Variants in LHFPL3 observed in about 807,000 individuals in gnomAD.
LHFPL3 encodes LHFPL tetraspan subfamily member 3, also known as LHFPL tetraspan subfamily member 3 protein.
In LHFPL3, 5 loss-of-function variants were observed where a neutral mutation model predicts 19.3. That is an observed-to-expected ratio of 0.26 (90% CI 0.14 to 0.54). The LOEUF (loss-of-function observed/expected upper bound fraction) is 0.54. LHFPL3 is among the 20% of genes least tolerant of loss of function. The pLI, the probability that LHFPL3 is intolerant of heterozygous loss-of-function variation, is 0.94. For synonymous variants in LHFPL3, 133 were observed against 126.2 expected (o/e 1.05, Z -0.36); for missense variants, 249 against 307.4 (o/e 0.81, Z 1.42).
In LHFPL3 at chr7:104,585,431, T is replaced by A. The variant is rs1418276363; in HGVS notation, c.446-151244T>A. Among the ~76,000 whole-genome samples, 9 of 149,726 alleles carry A rather than the reference T, an allele frequency of 6.0e-5. No homozygotes were observed. The East Asian group carries it at 1.8e-3, about 29-fold the overall frequency. ...TATCCACAGCCACTTTCTTTGACTA[T>A]AATGCAGCTAATGATGAAAGTGGAA... On this transcript the variant is annotated intron_variant, in intron 1 of 2. Coordinates refer to ENST00000424859, the MANE Select transcript of LHFPL3 (RefSeq NM_199000.3).
At chr7:104,560,108 C>G (rs1008123907) in intron 1 of LHFPL3, among the ~76,000 whole-genome samples, 3 of 144,606 alleles carry the variant, frequency 2.1e-5, no homozygotes, top group African/African-American at 5.5e-5. Flanking sequence ...ATTTTTGCAT[C>G]AATGTTCATC....
intron 1 of LHFPL3, among the ~76,000 whole-genome samples, chr7:104,595,208 G>A (rs891205707): frequency 2.1e-4 from 32 of 152,292 alleles, no homozygotes; most frequent in Non-Finnish European, 4.0e-4. Context: ...TGTTGGTGAC[G>A]TACAGATGGG....
intron 2 of LHFPL3, among the ~76,000 whole-genome samples, chr7:104,827,307 T>C (rs1790843654): frequency 6.6e-6 from 1 of 152,030 alleles, no homozygotes; most frequent in African/African-American, 2.4e-5. Context: ...TCTAGCACTT[T>C]AAAGTGAGAT....
intron 1 of LHFPL3, among the ~76,000 whole-genome samples, chr7:104,430,370 GTATATATATATACATATATATA>G (rs1479681325): frequency 2.6e-4 from 16 of 61,430 alleles, no homozygotes; most frequent in African/African-American, 4.9e-4. Flanking sequence ...ATTTCTGTGG[GTATATATATATACATATATATA>G]TATATATATA....
At chr7:104,498,012 A>C (rs1341835040) in intron 1 of LHFPL3, among the ~76,000 whole-genome samples, 3 of 152,094 alleles carry the variant, frequency 2.0e-5, no homozygotes, top group Non-Finnish European at 4.4e-5. Flanking sequence ...TGGGAACCCT[A>C]GGTGTGGGGT....
chr7:104,577,916 A>G (rs1210082758), intron 1 of LHFPL3, among the ~76,000 whole-genome samples: 2 of 152,184 alleles, frequency 1.3e-5, no homozygotes, highest in African/African-American at 2.4e-5. Context: ...CCCCTCAACT[A>G]TGGGAAAGTG....
chr7:104,412,516 G>T (rs1791552097), intron 1 of LHFPL3, among the ~76,000 whole-genome samples: 1 of 152,002 alleles, frequency 6.6e-6, no homozygotes. Context: ...ACATTATAGA[G>T]ATCTGATCTA....
chr7:104,545,415 T>G (rs1280667611), intron 1 of LHFPL3, among the ~76,000 whole-genome samples: 1 of 152,188 alleles, frequency 6.6e-6, no homozygotes, highest in Non-Finnish European at 1.5e-5. Context: ...AGTGCTGGCC[T>G]TCAGGAAATA....
chr7:104,471,435 A>G (rs551801950), intron 1 of LHFPL3, among the ~76,000 whole-genome samples: 207 of 152,320 alleles, frequency 1.4e-3, no homozygotes, highest in Admixed American at 5.2e-3. Context: ...TCTCATATAC[A>G]TTATTTTAAG....
At chr7:104,830,028 T>C (rs1790920040) in intron 2 of LHFPL3, among the ~76,000 whole-genome samples, 1 of 151,980 alleles carries the variant, frequency 6.6e-6, no homozygotes, top group Admixed American at 6.5e-5. Context: ...CCATTCTAAC[T>C]GGTGTGAGAT....
intron 2 of LHFPL3, among the ~76,000 whole-genome samples, chr7:104,883,853 G>A (rs185398321): frequency 3.3e-5 from 5 of 152,224 alleles, no homozygotes; most frequent in Admixed American, 3.3e-4. Flanking sequence ...GCCACCAGGG[G>A]GCACCAAAGC....
intron 1 of LHFPL3, among the ~76,000 whole-genome samples, chr7:104,471,449 C>T (rs1792904421): frequency 6.6e-6 from 1 of 152,148 alleles, no homozygotes; most frequent in Admixed American, 6.5e-5. Flanking sequence ...TTTTAAGCCT[C>T]ATCTGCAATA....
At chr7:104,414,404 C>T (rs771204152) in intron 1 of LHFPL3, among the ~76,000 whole-genome samples, 10 of 152,168 alleles carry the variant, frequency 6.6e-5, no homozygotes, top group Non-Finnish European at 1.2e-4. Context: ...AGGACAACAT[C>T]GTTAGGCTCT....
intron 1 of LHFPL3, among the ~76,000 whole-genome samples, chr7:104,558,673 C>G (rs1789916976): frequency 1.3e-5 from 2 of 150,844 alleles, no homozygotes; most frequent in Admixed American, 1.3e-4. Context: ...TGCAGAAGCT[C>G]TTTAGTTTAA....
chr7:104,672,885 G>A (rs1203386124), intron 1 of LHFPL3, among the ~76,000 whole-genome samples: 1 of 151,948 alleles, frequency 6.6e-6, no homozygotes, highest in East Asian at 1.9e-4. Flanking sequence ...ATGAATGCTC[G>A]GGGTTTCTGC....
chr7:104,825,328 G>C (rs1362675973), intron 2 of LHFPL3, among the ~76,000 whole-genome samples: 1 of 151,820 alleles, frequency 6.6e-6, no homozygotes, highest in Non-Finnish European at 1.5e-5. Flanking sequence ...TACAGAATGT[G>C]CCATCACACA....
intron 1 of LHFPL3, among the ~76,000 whole-genome samples, chr7:104,408,116 AGATACATAT>A (rs775158569): frequency 3.3e-5 from 5 of 152,154 alleles, no homozygotes; most frequent in Non-Finnish European, 7.4e-5. Flanking sequence ...CCATTAACCC[AGATACATAT>A]GAGTGGGCTT....
chr7:104,829,954 A>G (rs1790918806), intron 2 of LHFPL3, among the ~76,000 whole-genome samples: 1 of 151,996 alleles, frequency 6.6e-6, no homozygotes, highest in Non-Finnish European at 1.5e-5. Context: ...CCAACAGTGT[A>G]AAAGTATTCC....
intron 1 of LHFPL3, among the ~76,000 whole-genome samples, chr7:104,533,269 A>G (rs1338259647): frequency 1.3e-5 from 2 of 152,152 alleles, no homozygotes; most frequent in Admixed American, 6.5e-5. Context: ...GCACTCTGTC[A>G]TAGTTCTCCT....
Sources: gnomAD v4.1 joint callset for allele counts (sites outside exome capture counted in the v4.1 genomes callset) on GRCh38, gnomAD v4.1.1 for gene constraint, MANE v1.5 for transcripts, NCBI Gene and HGNC (gene_info 2026-07-23, HGNC 2026-07-21) for gene names.